The following MAGI2 variants were observed in gnomAD, a reference collection of about 807,000 sequenced individuals.
MAGI2 encodes the protein membrane associated guanylate kinase, WW and PDZ domain containing 2.
A neutral mutation model predicts 133.3 loss-of-function variants in MAGI2; 35 were observed. That is an observed-to-expected ratio of 0.26 (90% CI 0.20 to 0.35). The LOEUF is 0.35. MAGI2 is among the 10% of genes least tolerant of loss of function. The pLI, the probability that MAGI2 is intolerant of heterozygous loss-of-function variation, is 1.00. For missense variants in MAGI2, 1,636 were observed against 1,863.4 expected, an observed-to-expected ratio of 0.88 and a Z score of 2.25; for synonymous variants, 729 against 710.6, an observed-to-expected ratio of 1.03 and a Z score of -0.41.
chr7:79,386,558 G>A (rs1844196150), intron 1 of MAGI2, among the ~76,000 whole-genome samples: 1 of 151,998 alleles, frequency 6.6e-6, no homozygotes, highest in African/African-American at 2.4e-5. Context: ...TACTCAATCA[G>A]CCAATAAGAT....
chr7:78,764,730 T>C (rs1050359118), intron 2 of MAGI2, among the ~76,000 whole-genome samples: 1 of 152,232 alleles, frequency 6.6e-6, no homozygotes, highest in Non-Finnish European at 1.5e-5. Context: ...TAGTTGCCAA[T>C]TGTTTTTTAT....
At chr7:78,768,297 C>T (rs1412386260) in intron 2 of MAGI2, among the ~76,000 whole-genome samples, 1 of 152,140 alleles carries the variant, frequency 6.6e-6, no homozygotes, top group Non-Finnish European at 1.5e-5. Context: ...ATTATATCAC[C>T]TCACCTATTG....
chr7:78,209,510 C>A (rs557513651), intron 10 of MAGI2, among the ~76,000 whole-genome samples: 35 of 151,934 alleles, frequency 2.3e-4, no homozygotes, highest in Non-Finnish European at 5.0e-4. Context: ...ATCTGCCCAC[C>A]ATGGCTTCCC....
rs76455194 is a variant in MAGI2 at position 78,279,053 on chromosome 7, G to A, written c.1409-22472C>T. 6.9e-3 allele frequency among the ~76,000 whole-genome samples: 1,046 copies of A among 152,272 alleles called. 29 individuals carry two copies. The highest frequency in any genetic ancestry group is 0.058 in the East Asian group (298 of 5,182). On this transcript the variant is annotated intron_variant, in intron 9 of 21. Coordinates refer to ENST00000354212, the MANE Select transcript of MAGI2 (RefSeq NM_012301.4). ...GCAGGGGATATGTGACAGGGGATGT[G>A]GGAGAAGGATTTTAACATATCAGAA... is the stretch of plus-strand genomic sequence containing the variant.
At chr7:79,235,514 G>A (rs186332398) in intron 1 of MAGI2, among the ~76,000 whole-genome samples, 3 of 151,970 alleles carry the variant, frequency 2.0e-5, no homozygotes, top group East Asian at 1.9e-4. Context: ...TTTTTTAAGC[G>A]GGTCTGAAAA....
chr7:79,122,887 TC>T (rs1441587880), intron 1 of MAGI2, among the ~76,000 whole-genome samples: 1 of 152,162 alleles, frequency 6.6e-6, no homozygotes, highest in Non-Finnish European at 1.5e-5. Flanking sequence ...GGTCAGGGTT[TC>T]CCCATGTTGG....
intron 1 of MAGI2, among the ~76,000 whole-genome samples, chr7:79,276,799 A>G (rs937823251): frequency 6.6e-6 from 1 of 152,050 alleles, no homozygotes; most frequent in African/African-American, 2.4e-5. Flanking sequence ...CCTCATCTTT[A>G]CAAAAAAATT....
chr7:78,895,835 G>C (rs773820345), intron 2 of MAGI2, among the ~76,000 whole-genome samples: 1 of 151,968 alleles, frequency 6.6e-6, no homozygotes, highest in Non-Finnish European at 1.5e-5. Context: ...GAGGAAAAAG[G>C]GTGTTCAAAG....
intron 2 of MAGI2, among the ~76,000 whole-genome samples, chr7:78,843,322 A>G (rs1792307558): frequency 6.6e-6 from 1 of 151,940 alleles, no homozygotes; most frequent in South Asian, 2.1e-4. Context: ...AGTATCCAGT[A>G]CAATCCTTAA....
At chr7:78,639,250 G>A (rs1287252525) in intron 2 of MAGI2, among the ~76,000 whole-genome samples, 2 of 152,178 alleles carry the variant, frequency 1.3e-5, no homozygotes, top group Non-Finnish European at 2.9e-5. Flanking sequence ...AAATCCAGAT[G>A]AAAGAAAGAG....
chr7:79,336,588 T>C (rs1354527980), intron 1 of MAGI2, among the ~76,000 whole-genome samples: 1 of 152,240 alleles, frequency 6.6e-6, no homozygotes, highest in East Asian at 1.9e-4. Flanking sequence ...ATAGTGTGTG[T>C]GAAGATGACT....
In MAGI2 at chr7:78,768,994, C is replaced by A. The variant is rs78982515; in HGVS notation, c.419-141755G>T. 5.6e-3 allele frequency among the ~76,000 whole-genome samples: 846 copies of A among 152,276 alleles called. 9 individuals are homozygous for A. The highest frequency in any genetic ancestry group is 0.019 in the African/African-American group (785 of 41,558). ...GAGCTCTCTGCTAAAGCGCATCCTG[C>A]CTCTGCTGGCTGGAGCTTTCACAAA... is the stretch of plus-strand genomic sequence containing the variant. On this transcript the variant is annotated intron_variant, in intron 2 of 21. Transcript: ENST00000354212.
chr7:78,407,615 A>T (rs1018824192), intron 6 of MAGI2, among the ~76,000 whole-genome samples: 4 of 151,482 alleles, frequency 2.6e-5, no homozygotes, highest in African/African-American at 9.7e-5. Context: ...TTTGGGGTTA[A>T]CAAGAAATTG....
chr7:78,178,581 A>AGT (rs3840593), intron 13 of MAGI2, among the ~76,000 whole-genome samples: 22,783 of 149,432 alleles, frequency 0.15, 1,725 homozygotes, highest in East Asian at 0.29. Context: ...CCAGTTTAGG[A>AGT]GTGTGTGTGT....
intron 2 of MAGI2, among the ~76,000 whole-genome samples, chr7:78,792,298 A>G (rs987176322): frequency 6.6e-6 from 1 of 152,214 alleles, no homozygotes; most frequent in Admixed American, 6.5e-5. Context: ...TGTCCACGTC[A>G]TATTTCCAGT....
chr7:78,229,116 C>T (rs987546989), intron 10 of MAGI2, among the ~76,000 whole-genome samples: 1 of 152,168 alleles, frequency 6.6e-6, no homozygotes, highest in East Asian at 1.9e-4. Context: ...GCAACTTATT[C>T]CCAAACTCAA....
intron 1 of MAGI2, among the ~76,000 whole-genome samples, chr7:79,148,707 G>A (rs1822885917): frequency 1.3e-5 from 2 of 151,848 alleles, no homozygotes; most frequent in East Asian, 1.9e-4. Context: ...AAAAGAGGGT[G>A]TGTGAAGAAA....
intron 2 of MAGI2, among the ~76,000 whole-genome samples, chr7:78,954,355 A>G (rs1802123920): frequency 6.6e-6 from 1 of 152,064 alleles, no homozygotes; most frequent in Non-Finnish European, 1.5e-5. Context: ...CTCTGAAGAT[A>G]AGAATTTTAG....
At chr7:78,426,249 C>A (rs996553563) in intron 6 of MAGI2, among the ~76,000 whole-genome samples, 1 of 152,114 alleles carries the variant, frequency 6.6e-6, no homozygotes, top group Non-Finnish European at 1.5e-5. Context: ...AATGTATAGA[C>A]AAATCAATAG....
Sources: gnomAD v4.1 joint callset for allele counts (sites outside exome capture counted in the v4.1 genomes callset) on GRCh38, gnomAD v4.1.1 for gene constraint, MANE v1.5 for transcripts, NCBI Gene and HGNC (gene_info 2026-07-23, HGNC 2026-07-21) for gene names.